The following CPEB1 variants were observed in gnomAD, a reference collection of about 807,000 sequenced individuals.
The protein encoded by CPEB1 is cytoplasmic polyadenylation element binding protein 1, also known as cytoplasmic polyadenylation element-binding protein 1.
A neutral mutation model predicts 65.8 loss-of-function variants in CPEB1; 7 were observed. The ratio of observed to expected loss-of-function variants is 0.11; its 90% CI spans 0.06 to 0.20. The LOEUF (loss-of-function observed/expected upper bound fraction) is 0.20. CPEB1 is among the 10% of genes least tolerant of loss of function. The pLI, the probability that CPEB1 is intolerant of heterozygous loss-of-function variation, is 1.00. For missense variants in CPEB1, 551 were observed against 712.2 expected (o/e 0.77, Z 2.58); for synonymous variants, 262 against 260.0 (o/e 1.01, Z -0.08).
chr15:82,614,875 G>GTATA (rs1236664724), intron 3 of CPEB1, among the ~76,000 whole-genome samples: 6 of 123,284 alleles, frequency 4.9e-5, no homozygotes, highest in African/African-American at 1.7e-4. Flanking sequence ...GTGTGTGTGT[G>GTATA]TGTGTATATA....
At chr15:82,592,190 T>C (rs1189143527) in intron 3 of CPEB1, among the ~76,000 whole-genome samples, 1 of 152,110 alleles carries the variant, frequency 6.6e-6, no homozygotes, top group Non-Finnish European at 1.5e-5. Context: ...TGAATGGATA[T>C]ATATATGGGT....
chr15:82,578,826 T>C (rs1284822792), intron 3 of CPEB1, among the ~76,000 whole-genome samples: 1 of 152,124 alleles, frequency 6.6e-6, no homozygotes, highest in Non-Finnish European at 1.5e-5. Flanking sequence ...AATTACATGT[T>C]TTTTTGTTTT....
At chr15:82,636,599 C>T (rs1473788100) in intron 1 of CPEB1, among the ~76,000 whole-genome samples, 1 of 152,178 alleles carries the variant, frequency 6.6e-6, no homozygotes, top group East Asian at 1.9e-4. Context: ...ATATTGAAAG[C>T]ACATGGTCAC....
chr15:82,612,734 T>C (rs898550612), intron 3 of CPEB1, among the ~76,000 whole-genome samples: 18 of 151,922 alleles, frequency 1.2e-4, no homozygotes, highest in Admixed American at 8.5e-4. Context: ...CTCAGGAGGC[T>C]GAGGCAGGAG....
intron 3 of CPEB1, among the ~76,000 whole-genome samples, chr15:82,618,213 C>T (rs1239505174): frequency 6.6e-6 from 1 of 152,106 alleles, no homozygotes; most frequent in Non-Finnish European, 1.5e-5. Flanking sequence ...AGCAGTTTGA[C>T]AGTTTCAGTT....
At chr15:82,601,279 G>A (rs537769769) in intron 3 of CPEB1, among the ~76,000 whole-genome samples, 4 of 151,126 alleles carry the variant, frequency 2.6e-5, no homozygotes, top group Non-Finnish European at 4.4e-5. Flanking sequence ...GGTGGCTCAC[G>A]CCTGTAATCC....
At chr15:82,547,517 ATCT>A (rs2035469769) in intron 10 of CPEB1, among the ~76,000 whole-genome samples, 1 of 151,110 alleles carries the variant, frequency 6.6e-6, no homozygotes, top group Admixed American at 6.6e-5. Context: ...CATGGTCTTG[ATCT>A]CCTGACCTTG....
rs1370221474 is a variant in CPEB1 at position 82,543,910 on chromosome 15, T to C, written c.*682A>G. The C allele has an allele frequency of 6.6e-6, 1 of 152,288 alleles. No homozygotes were observed. Among genetic ancestry groups the C allele is most frequent in the Admixed American group, 6.5e-5 (1 of 15,272 alleles). 9.4% of individuals were successfully genotyped at this position (152,288 alleles called of 1,614,324 possible). A position where few individuals can be genotyped will look rare whatever the true frequency, so the allele number is the denominator to read the frequency against. On this transcript the variant is annotated 3_prime_UTR_variant, in exon 13 of 13. Coordinates refer to ENST00000684509, the MANE Select transcript of CPEB1 (RefSeq NM_001365242.1). ...CCCCAGACACAAATTTGCTATAATG[T>C]TAAAAGCTGCCAGGAAAGAAAAAAT...
At chr15:82,551,651 A>C (rs1359785029) in intron 9 of CPEB1, among the ~76,000 whole-genome samples, 1 of 152,208 alleles carries the variant, frequency 6.6e-6, no homozygotes, top group Non-Finnish European at 1.5e-5. Context: ...AGAGGAAACA[A>C]AGTTTCAGAG....
At chr15:82,549,928 TACC>T (rs2035954054) in intron 9 of CPEB1, among the ~76,000 whole-genome samples, 1 of 152,108 alleles carries the variant, frequency 6.6e-6, no homozygotes, top group African/African-American at 2.4e-5. Flanking sequence ...AGCAAAAAAG[TACC>T]ACATGGCCAA....
rs1359545296 is a variant in CPEB1 at position 82,543,424 on chromosome 15, A to AG, written c.*1167dup. ...TTCTTTGGCACACAGCTTCCCTAGGAGGGGCAAGTAGTTTTTGTGGGTTTT... is the reference window on the plus strand; with the variant it reads ...TTCTTTGGCACACAGCTTCCCTAGGAGGGGGCAAGTAGTTTTTGTGGGTTTT... On this transcript the variant is annotated 3_prime_UTR_variant, in exon 13 of 13. Transcript: ENST00000684509. The AG allele has an allele frequency of 7.1e-6, 1 of 141,242 alleles. No individual in the cohort carries two copies. The highest frequency in any genetic ancestry group is 1.5e-5 in the Non-Finnish European group (1 of 66,122). The allele number at this position is 141,242 out of a possible 1,614,324, so 8.7% of individuals were successfully genotyped here.
At chr15:82,557,623 C>A in intron 5 of CPEB1, 137 bp downstream of exon 5, 1 of 701,192 alleles carries the variant, frequency 1.4e-6, no homozygotes, top group East Asian at 2.6e-5. Flanking sequence ...CCACAATAAT[C>A]TCCACTCCTC....
chr15:82,581,385 T>C (rs757205469), intron 3 of CPEB1, among the ~76,000 whole-genome samples: 2 of 152,230 alleles, frequency 1.3e-5, no homozygotes, highest in Non-Finnish European at 2.9e-5. Context: ...CTTTTGACTA[T>C]TGTAAATAGT....
chr15:82,612,263 G>T (rs2044231256), intron 3 of CPEB1, among the ~76,000 whole-genome samples: 1 of 151,864 alleles, frequency 6.6e-6, no homozygotes, highest in Non-Finnish European at 1.5e-5. Flanking sequence ...TTGGAAAGCT[G>T]AGGCGGGTGG....
At chr15:82,612,301 A>G (rs1403049031) in intron 3 of CPEB1, among the ~76,000 whole-genome samples, 2 of 151,946 alleles carry the variant, frequency 1.3e-5, no homozygotes, top group Non-Finnish European at 2.9e-5. Flanking sequence ...GTTCGAGACC[A>G]GCCTGCCTAA....
At chr15:82,647,798 C>A (rs1348523365), upstream of CPEB1, 1 of 1,269,262 alleles carries the variant, frequency 7.9e-7, no homozygotes, top group Non-Finnish European at 9.9e-7. Flanking sequence ...GCGCGCGGAC[C>A]GTTAGCTACT....
intron 3 of CPEB1, among the ~76,000 whole-genome samples, chr15:82,574,887 C>T (rs774363739): frequency 2.6e-5 from 4 of 152,036 alleles, no homozygotes; most frequent in Non-Finnish European, 4.4e-5. Context: ...ATATTATAAA[C>T]GGAAAATGCA....
At chr15:82,645,728 C>A (rs1011469510) in intron 1 of CPEB1, among the ~76,000 whole-genome samples, 4 of 151,974 alleles carry the variant, frequency 2.6e-5, no homozygotes, top group African/African-American at 4.8e-5. Context: ...ATCAGCCGCG[C>A]GTGGTGGCAC....
intron 1 of CPEB1, among the ~76,000 whole-genome samples, chr15:82,640,076 A>C (rs1399169585): frequency 6.6e-6 from 1 of 152,150 alleles, no homozygotes; most frequent in Non-Finnish European, 1.5e-5. Flanking sequence ...GAACCACTAT[A>C]TGCTGACTCC....
Sources: gnomAD v4.1 joint callset for allele counts (sites outside exome capture counted in the v4.1 genomes callset) on GRCh38, gnomAD v4.1.1 for gene constraint, MANE v1.5 for transcripts, NCBI Gene and HGNC (gene_info 2026-07-23, HGNC 2026-07-21) for gene names.